The following SPOCK1 variants were observed in gnomAD, a reference collection of about 807,000 sequenced individuals.
SPOCK1 encodes the protein testican-1.
A neutral mutation model predicts 55.3 loss-of-function variants in SPOCK1; 23 were observed. The observed-to-expected ratio is 0.42, with a 90% CI of 0.30 to 0.59. SPOCK1 has a LOEUF of 0.59. SPOCK1 is among the 20% of genes least tolerant of loss of function. SPOCK1 has a pLI of 0.22. For missense variants in SPOCK1, 499 were observed against 552.5 expected (o/e 0.90, Z 0.97); for synonymous variants, 226 against 221.0 (o/e 1.02, Z -0.20).
At chr5:137,437,247 G>T (rs1348393572) in intron 2 of SPOCK1, among the ~76,000 whole-genome samples, 1 of 15,144 alleles carries the variant, frequency 6.6e-5, no homozygotes, top group African/African-American at 8.8e-5. Flanking sequence ...CTTCAGTTTG[G>T]GACAGAAATG....
At chr5:137,325,455 C>G (rs1007541716) in intron 2 of SPOCK1, among the ~76,000 whole-genome samples, 1 of 152,224 alleles carries the variant, frequency 6.6e-6, no homozygotes, top group African/African-American at 2.4e-5. Flanking sequence ...AAACACTTCT[C>G]TTAAGTCACT....
chr5:137,025,334 C>G (rs1459496403), intron 6 of SPOCK1, among the ~76,000 whole-genome samples: 1 of 152,054 alleles, frequency 6.6e-6, no homozygotes, highest in Non-Finnish European at 1.5e-5. Flanking sequence ...GGCAGCATCA[C>G]AGGTGAGATA....
intron 2 of SPOCK1, among the ~76,000 whole-genome samples, chr5:137,428,690 C>T (rs1228952724): frequency 1.3e-5 from 2 of 152,170 alleles, no homozygotes; most frequent in Non-Finnish European, 2.9e-5. Flanking sequence ...CTGTGGGTCC[C>T]CTCTGGCTCT....
chr5:137,437,317 C>A (rs1221319388), intron 2 of SPOCK1, among the ~76,000 whole-genome samples: 2 of 152,186 alleles, frequency 1.3e-5, no homozygotes, highest in African/African-American at 4.8e-5. Context: ...ATCTCTGAAT[C>A]CCTGTAGAGG....
intron 2 of SPOCK1, among the ~76,000 whole-genome samples, chr5:137,341,894 T>C (rs1456142352): frequency 6.6e-6 from 1 of 152,242 alleles, no homozygotes; most frequent in Non-Finnish European, 1.5e-5. Context: ...CAAAAAGCTT[T>C]TGTAGCCAAA....
intron 2 of SPOCK1, among the ~76,000 whole-genome samples, chr5:137,417,340 T>C (rs1267200501): frequency 6.6e-6 from 1 of 151,632 alleles, no homozygotes; most frequent in Non-Finnish European, 1.5e-5. Context: ...TTCTTTTTTT[T>C]TTTTTTTTTC....
At chr5:137,242,660 C>T (rs1020022233) in intron 3 of SPOCK1, among the ~76,000 whole-genome samples, 4 of 152,120 alleles carry the variant, frequency 2.6e-5, no homozygotes, top group Non-Finnish European at 5.9e-5. Context: ...ATCACCTGAG[C>T]CCAGGAGGTC....
At chr5:137,131,024 A>G (rs1753866337) in intron 4 of SPOCK1, among the ~76,000 whole-genome samples, 1 of 152,184 alleles carries the variant, frequency 6.6e-6, no homozygotes, top group Non-Finnish European at 1.5e-5. Flanking sequence ...ACGTCCATCT[A>G]AATCATCCTA....
intron 4 of SPOCK1, among the ~76,000 whole-genome samples, chr5:137,133,369 CAAA>C (rs576091633): frequency 8.3e-6 from 1 of 120,212 alleles, no homozygotes; most frequent in Non-Finnish European, 1.7e-5. Flanking sequence ...GACTCCATCT[CAAA>C]AAAAAAAAAA....
chr5:137,100,768 C>T (rs1753245795), intron 5 of SPOCK1, among the ~76,000 whole-genome samples: 1 of 151,816 alleles, frequency 6.6e-6, no homozygotes, highest in African/African-American at 2.4e-5. Flanking sequence ...CCTTCCTGGA[C>T]AGAATCTAGC....
At chr5:137,371,900 C>T (rs548111246) in intron 2 of SPOCK1, among the ~76,000 whole-genome samples, 10 of 152,318 alleles carry the variant, frequency 6.6e-5, no homozygotes, top group African/African-American at 1.9e-4. Context: ...GTGAGATCAG[C>T]ACTATCCAAT....
chr5:137,128,814 G>A (rs1428566822), intron 4 of SPOCK1, among the ~76,000 whole-genome samples: 1 of 152,200 alleles, frequency 6.6e-6, no homozygotes, highest in Non-Finnish European at 1.5e-5. Flanking sequence ...GTAGCTGGAA[G>A]TGCTTTCTTC....
intron 6 of SPOCK1, among the ~76,000 whole-genome samples, chr5:137,028,393 T>A (rs1371155410): frequency 6.6e-6 from 1 of 152,128 alleles, no homozygotes; most frequent in Non-Finnish European, 1.5e-5. Flanking sequence ...TGGAAAAAGG[T>A]ATTATCCAGC....
intron 2 of SPOCK1, among the ~76,000 whole-genome samples, chr5:137,333,824 A>G (rs577603907): frequency 1.3e-5 from 2 of 152,348 alleles, no homozygotes; most frequent in South Asian, 2.1e-4. Flanking sequence ...AGCACTAAAT[A>G]GAAGTGTGAG....
At chr5:137,223,834 A>G (rs138638313) in intron 3 of SPOCK1, among the ~76,000 whole-genome samples, 15 of 152,276 alleles carry the variant, frequency 9.9e-5, no homozygotes, top group Admixed American at 2.6e-4. Context: ...ATATAAAGCT[A>G]GTGGACAAAA....
At chr5:137,067,166 A>G (rs927882546) in intron 6 of SPOCK1, among the ~76,000 whole-genome samples, 1 of 152,178 alleles carries the variant, frequency 6.6e-6, no homozygotes, top group African/African-American at 2.4e-5. Flanking sequence ...GAAAACATCC[A>G]AATGAGCCCA....
At chr5:137,138,701 ACC>A (rs33985139) in intron 4 of SPOCK1, among the ~76,000 whole-genome samples, 101,722 of 139,304 alleles carry the variant, frequency 0.73, 36,609 homozygotes, top group African/African-American at 0.75. Context: ...TCAAATAATA[ACC>A]CCCCCCCCCC....
chr5:137,117,177 C>CCTATTAAGTT (rs1753603786), intron 4 of SPOCK1, among the ~76,000 whole-genome samples: 1 of 152,242 alleles, frequency 6.6e-6, no homozygotes, highest in Non-Finnish European at 1.5e-5. Context: ...GCCATGCAGT[C>CCTATTAAGTT]CTATTAAGTT....
At chr5:137,082,078 T>C (rs1177543822) in intron 5 of SPOCK1, among the ~76,000 whole-genome samples, 1 of 152,200 alleles carries the variant, frequency 6.6e-6, no homozygotes, top group Non-Finnish European at 1.5e-5. Flanking sequence ...GCGAGGCAAG[T>C]TGTGTGCTGA....
Sources: gnomAD v4.1 joint callset for allele counts (sites outside exome capture counted in the v4.1 genomes callset) on GRCh38, gnomAD v4.1.1 for gene constraint, MANE v1.5 for transcripts, NCBI Gene and HGNC (gene_info 2026-07-23, HGNC 2026-07-21) for gene names.